The following CCSER1 variants were observed in gnomAD, a reference collection of about 807,000 sequenced individuals.
The protein encoded by CCSER1 is coiled-coil serine rich protein 1.
In CCSER1, 41 loss-of-function variants were observed where a neutral mutation model predicts 82.0. The ratio of observed to expected loss-of-function variants is 0.50; its 90% CI spans 0.39 to 0.65. CCSER1 has a LOEUF of 0.65. CCSER1 is among the 30% of genes least tolerant of loss of function. CCSER1 has a pLI of 0.00. For synonymous variants in CCSER1, 414 were observed against 383.9 expected, an observed-to-expected ratio of 1.08 and a Z score of -0.92; for missense variants, 1,119 against 1,064.2, an observed-to-expected ratio of 1.05 and a Z score of -0.72.
chr4:91,469,448 A>G (rs1190223078), intron 10 of CCSER1, among the ~76,000 whole-genome samples: 1 of 152,206 alleles, frequency 6.6e-6, no homozygotes, highest in Non-Finnish European at 1.5e-5. Context: ...TAGGAAACCT[A>G]TCAACCACTG....
At chr4:91,126,413 C>T (rs900602423) in intron 10 of CCSER1, among the ~76,000 whole-genome samples, 10 of 151,750 alleles carry the variant, frequency 6.6e-5, no homozygotes, top group East Asian at 1.9e-4. Flanking sequence ...AATACAGGCT[C>T]ATAATATATG....
intron 6 of CCSER1, among the ~76,000 whole-genome samples, chr4:90,666,287 A>G (rs1484419607): frequency 1.3e-5 from 2 of 152,334 alleles, no homozygotes; most frequent in Non-Finnish European, 2.9e-5. Context: ...AATCTTGATT[A>G]CTAAGTCCTT....
At chr4:91,489,936 T>C (rs943062752) in intron 10 of CCSER1, among the ~76,000 whole-genome samples, 1 of 152,054 alleles carries the variant, frequency 6.6e-6, no homozygotes, top group Non-Finnish European at 1.5e-5. Context: ...AGGCAAAAGA[T>C]ATGAATAGAT....
chr4:91,560,855 T>G (rs2110252672), intron 10 of CCSER1, among the ~76,000 whole-genome samples: 1 of 151,400 alleles, frequency 6.6e-6, no homozygotes, highest in Admixed American at 6.6e-5. Context: ...CATATTGTTC[T>G]TTAGAATTAA....
chr4:90,763,484 G>A (rs575299859), intron 7 of CCSER1, among the ~76,000 whole-genome samples: 138 of 152,272 alleles, frequency 9.1e-4, no homozygotes, highest in Non-Finnish European at 1.4e-3. Context: ...ATGGTAGGAA[G>A]TATAACTTCA....
intron 5 of CCSER1, among the ~76,000 whole-genome samples, chr4:90,609,299 A>G (rs2201726): frequency 0.38 from 57,576 of 151,852 alleles, 13,158 homozygotes; most frequent in African/African-American, 0.65. Context: ...AGTTGATATT[A>G]ATTGGTTTAT....
chr4:90,279,067 C>CT (rs369393345), intron 1 of CCSER1, among the ~76,000 whole-genome samples: 409 of 152,074 alleles, frequency 2.7e-3, no homozygotes, highest in Non-Finnish European at 4.0e-3. Context: ...TATAATGGCA[C>CT]TTTTTTCCTG....
rs1452164571 is a variant in CCSER1, at chr4:90,312,917, T to C, written c.1379T>C (p.Leu460Pro). 1 of 1,585,648 alleles carries C rather than the reference T, an allele frequency of 6.3e-7. No homozygotes were observed. The highest frequency in any genetic ancestry group is 1.2e-5 in the South Asian group (1 of 86,894). ...GAAGGAAGATTTATAGAGAGGAGAC[T>C]GCGATCCTCGTCAGAAGGCACTGCA... The part of the protein sequence containing the change: ...FREGRFIERR[L>P]RSSSEGTAGS... Residue 460 changes from leucine (L) to proline (P), a missense_variant, in exon 3 of 11, where the codon CTG (leucine) becomes CCG (proline). Transcript: ENST00000509176.
Position 91,110,387 on chromosome 4 carries a change from G to A in CCSER1, c.2217+24393G>A, listed in dbSNP as rs185830492. Among the ~76,000 whole-genome samples, 11 of 151,926 alleles carry A rather than the reference G, an allele frequency of 7.2e-5. No homozygotes were observed. In the East Asian group the frequency reaches 1.7e-3, roughly 24 times the overall value. ...ATAAAAATGATGACCTCAATATCTGGTACCAATAAAAATACTCACTAGGAA... is the reference window on the plus strand; with the variant it reads ...ATAAAAATGATGACCTCAATATCTGATACCAATAAAAATACTCACTAGGAA... On this transcript the variant is annotated intron_variant, in intron 10 of 10. Coordinates refer to ENST00000509176, the MANE Select transcript of CCSER1 (RefSeq NM_001145065.2).
intron 1 of CCSER1, among the ~76,000 whole-genome samples, chr4:90,129,639 A>C (rs1722474036): frequency 6.6e-6 from 1 of 152,220 alleles, no homozygotes; most frequent in Admixed American, 6.5e-5. Context: ...ACCTATTGTC[A>C]GAGTGATTTG....
At chr4:91,087,582 C>A (rs1423339731) in intron 10 of CCSER1, among the ~76,000 whole-genome samples, 1 of 151,906 alleles carries the variant, frequency 6.6e-6, no homozygotes, top group East Asian at 1.9e-4. Context: ...CTCTGAAGGT[C>A]AAAATTGTAA....
chr4:90,292,605 G>A (rs1731125436), intron 1 of CCSER1, among the ~76,000 whole-genome samples: 1 of 151,808 alleles, frequency 6.6e-6, no homozygotes, highest in South Asian at 2.1e-4. Flanking sequence ...ATGACTGAAT[G>A]GAAATCAGCA....
intron 10 of CCSER1, among the ~76,000 whole-genome samples, chr4:91,302,214 A>T (rs1213087884): frequency 6.6e-6 from 1 of 151,962 alleles, no homozygotes; most frequent in African/African-American, 2.4e-5. Flanking sequence ...GTCAAAATAA[A>T]ATCCTCACTT....
At chr4:91,049,084 T>C (rs936707863) in intron 9 of CCSER1, among the ~76,000 whole-genome samples, 1 of 152,148 alleles carries the variant, frequency 6.6e-6, no homozygotes, top group Non-Finnish European at 1.5e-5. Context: ...AACACCATAA[T>C]TGTTTTTCTT....
chr4:90,488,094 T>C (rs949024118), intron 5 of CCSER1, among the ~76,000 whole-genome samples: 1 of 152,260 alleles, frequency 6.6e-6, no homozygotes, highest in Non-Finnish European at 1.5e-5. Flanking sequence ...GCATGTTCCC[T>C]GTTCCTGATT....
At chr4:90,551,864 T>TA (rs1316071841) in intron 5 of CCSER1, among the ~76,000 whole-genome samples, 1 of 151,956 alleles carries the variant, frequency 6.6e-6, no homozygotes, top group Non-Finnish European at 1.5e-5. Flanking sequence ...GGGTAACTTT[T>TA]AAAGAGCAGA....
chr4:90,423,294 C>T (rs767298825), intron 4 of CCSER1, among the ~76,000 whole-genome samples: 26 of 152,180 alleles, frequency 1.7e-4, no homozygotes, highest in Admixed American at 2.6e-4. Flanking sequence ...GGCGTCATCT[C>T]GGCTCACTGC....
intron 10 of CCSER1, among the ~76,000 whole-genome samples, chr4:91,285,489 G>A (rs1743213139): frequency 6.6e-6 from 1 of 151,722 alleles, no homozygotes; most frequent in Admixed American, 6.6e-5. Flanking sequence ...AAATCAAAGT[G>A]TATTTATATG....
intron 10 of CCSER1, among the ~76,000 whole-genome samples, chr4:91,385,668 A>T (rs1038415845): frequency 1.3e-5 from 2 of 151,924 alleles, no homozygotes; most frequent in Non-Finnish European, 2.9e-5. Context: ...AATTTTTGTG[A>T]CTTTGGATTT....
Sources: allele counts gnomAD v4.1 joint callset (sites outside exome capture counted in the v4.1 genomes callset), GRCh38; gene constraint gnomAD v4.1.1; transcripts MANE v1.5; gene names NCBI Gene and HGNC (gene_info 2026-07-23, HGNC 2026-07-21).